Variants in NAV3 observed in about 807,000 individuals in gnomAD.
The protein encoded by NAV3 is pore membrane and/or filament interacting like protein 1.
A neutral mutation model predicts 244.7 loss-of-function variants in NAV3; 87 were observed. That is an observed-to-expected ratio of 0.36 (90% CI 0.30 to 0.42). The LOEUF (loss-of-function observed/expected upper bound fraction) is 0.42. NAV3 is among the 20% of genes least tolerant of loss of function. The pLI is 1.00. For missense variants in NAV3, 2,663 were observed against 2,893.3 expected, an observed-to-expected ratio of 0.92 and a Z score of 1.83; for synonymous variants, 1,126 against 1,042.2, an observed-to-expected ratio of 1.08 and a Z score of -1.55.
intron 2 of NAV3, among the ~76,000 whole-genome samples, chr12:77,704,366 A>T (rs1004257920): frequency 2.0e-5 from 3 of 152,170 alleles, no homozygotes; most frequent in Non-Finnish European, 4.4e-5. Flanking sequence ...GAAGTTTTTA[A>T]GATATTATTA....
At chr12:77,811,971 T>G (rs1872307983) in intron 2 of NAV3, among the ~76,000 whole-genome samples, 1 of 152,226 alleles carries the variant, frequency 6.6e-6, no homozygotes, top group African/African-American at 2.4e-5. Flanking sequence ...ATCACTATAT[T>G]TTTATTTACC....
rs80329552 is a variant in NAV3, at chr12:77,833,501, T to C, written c.243+1797T>C. Among the ~76,000 whole-genome samples, 1,089 of 152,322 alleles carry C rather than the reference T, an allele frequency of 7.1e-3. 10 individuals are homozygous for C. The highest frequency in any genetic ancestry group is 0.024 in the African/African-American group (1,015 of 41,566). On this transcript the variant is annotated intron_variant, in intron 1 of 39. Transcript: ENST00000397909. The stretch of plus-strand genomic sequence containing the variant: ...GCTGCTGAAACCTCTAGAGGGATCA[T>C]GCAGATGGGCAGGGTGTGGAGCTTC...
chr12:78,095,071 A>ATG (rs1441139844), intron 12 of NAV3, among the ~76,000 whole-genome samples: 1 of 145,736 alleles, frequency 6.9e-6, no homozygotes, highest in Non-Finnish European at 1.5e-5. Context: ...ATATACACAC[A>ATG]CACACACACA....
chr12:77,785,307 A>G (rs1870853611), intron 2 of NAV3, among the ~76,000 whole-genome samples: 1 of 152,126 alleles, frequency 6.6e-6, no homozygotes, highest in Non-Finnish European at 1.5e-5. Flanking sequence ...TCTGTCCTGT[A>G]CAGGGTAATA....
intron 23 of NAV3, among the ~76,000 whole-genome samples, chr12:78,162,882 AAT>A (rs1280279095): frequency 7.2e-6 from 1 of 139,288 alleles, no homozygotes; most frequent in East Asian, 2.0e-4. Context: ...ATATATATAT[AAT>A]ATATATAATA....
At chr12:77,627,816 G>GTA (rs1418510763) in intron 2 of NAV3, among the ~76,000 whole-genome samples, 3 of 152,088 alleles carry the variant, frequency 2.0e-5, no homozygotes, top group African/African-American at 2.4e-5. Flanking sequence ...AGAAAATGTG[G>GTA]TATATATATA....
chr12:77,940,345 C>T lies in NAV3; in HGVS notation c.270C>T (p.Tyr90=), dbSNP rs773017080. ...TTTACACTGACTGGGCCAACCACTA[C>T]CTAGCAAAATCAGGCCACAAGCGGC... The part of the protein sequence containing the change: ...SKIYTDWANH[Y]LAKSGHKRLI... Residue 90 remains tyrosine (Y), a synonymous_variant, in exon 2 of 40, where the codon TAC becomes TAT. Coordinates refer to ENST00000397909, the MANE Select transcript of NAV3 (RefSeq NM_001024383.2). The T allele has an allele frequency of 8.1e-5, 130 of 1,613,702 alleles. No individual in the cohort carries two copies. Among genetic ancestry groups the T allele is most frequent in the Non-Finnish European group, 1.1e-4 (129 of 1,179,804 alleles).
chr12:78,024,446 A>G (rs1444274031), intron 9 of NAV3, among the ~76,000 whole-genome samples: 3 of 152,144 alleles, frequency 2.0e-5, no homozygotes, highest in Admixed American at 6.6e-5. Flanking sequence ...CACCAGTCCC[A>G]TCCTTTCTCT....
intron 1 of NAV3, among the ~76,000 whole-genome samples, chr12:77,931,173 T>C (rs530468733): frequency 3.2e-4 from 49 of 152,324 alleles, no homozygotes; most frequent in South Asian, 8.3e-4. Flanking sequence ...CTCATCTTTT[T>C]CAATTTTGAT....
intron 1 of NAV3, among the ~76,000 whole-genome samples, chr12:77,937,689 G>C (rs996513365): frequency 6.6e-6 from 1 of 152,134 alleles, no homozygotes. Flanking sequence ...AAGGCAGGCA[G>C]AATTAGTGAT....
At chr12:78,015,176 G>C (rs1281015171) in intron 8 of NAV3, among the ~76,000 whole-genome samples, 3 of 116,224 alleles carry the variant, frequency 2.6e-5, no homozygotes, top group African/African-American at 5.5e-5. Context: ...TTTATGTTAT[G>C]TTTTTGGAAA....
rs147961343 is a variant in NAV3, at chr12:78,174,917, A to G, written c.4982-389A>G. Among the ~76,000 whole-genome samples, 413 of 152,188 alleles carry G rather than the reference A, an allele frequency of 2.7e-3. 4 individuals are homozygous for G. The highest frequency in any genetic ancestry group is 9.0e-3 in the African/African-American group (376 of 41,550). Reference sequence around the variant, plus strand: ...TGTATTTGAAGCACAAATATTAAAAAGCACAATTAATTCTCATTCTGAGTT... The same window carrying G: ...TGTATTTGAAGCACAAATATTAAAAGGCACAATTAATTCTCATTCTGAGTT... On this transcript the variant is annotated intron_variant, in intron 24 of 39. Transcript: ENST00000397909.
intron 12 of NAV3, among the ~76,000 whole-genome samples, chr12:78,101,376 A>T (rs1176411762): frequency 1.3e-5 from 2 of 152,224 alleles, no homozygotes; most frequent in South Asian, 2.1e-4. Flanking sequence ...TAAACCAGTT[A>T]TTCAAGCTCC....
chr12:77,788,608 C>CT lies in NAV3; in HGVS notation c.73-151697dup, dbSNP rs78745838. 3.5e-3 allele frequency among the ~76,000 whole-genome samples: 482 copies of CT among 139,328 alleles called. 6 individuals are homozygous for CT. The highest frequency in any genetic ancestry group is 2.9e-3 in the Non-Finnish European group (183 of 63,648). 91.4% of individuals were successfully genotyped at this position (139,328 alleles called of 152,430 possible). On this transcript the variant is annotated intron_variant, in intron 2 of 8. Transcript: ENST00000550042. ...GGAATACTCTTAAAAGCATTTGGTG[C>CT]TTTTTTTTTTTTTTCTAAAAAAAGA...
chr12:77,921,555 C>T (rs2731424), intron 1 of NAV3, among the ~76,000 whole-genome samples: 135,471 of 152,010 alleles, frequency 0.89, 60,414 homozygotes, highest in East Asian at 1. Flanking sequence ...AGTTTGGAAC[C>T]GACTTGGGAA....
rs928398563 is a variant in NAV3 at position 78,210,415 on chromosome 12, A to C, written c.7056A>C (p.Lys2352Asn). 3.1e-6 allele frequency: 5 copies of C among 1,613,412 alleles called. No individual in the cohort carries two copies. The highest frequency in any genetic ancestry group is 4.2e-6 in the Non-Finnish European group (5 of 1,179,790). The change falls in exon 40 of 40, where the codon AAA becomes AAC. Residue 2352 changes from lysine to asparagine, a missense_variant. Lys to Asn is a moderately conservative substitution (Grantham distance 94, BLOSUM62 0). Transcript: ENST00000397909. The stretch of plus-strand genomic sequence containing the variant: ...TTCTTCAGATGAATATGCTAATGAA[A>C]CTCCAAGAAGCAGCCAATTACTCGA... ...EGDPLMNMLM[K>N]LQEAANYSST... is the part of the protein sequence containing the mutation.
intron 23 of NAV3, among the ~76,000 whole-genome samples, chr12:78,159,751 T>C (rs1257287314): frequency 6.6e-6 from 1 of 152,172 alleles, no homozygotes; most frequent in Non-Finnish European, 1.5e-5. Flanking sequence ...TTAAAGATTT[T>C]ATCAGTTTAC....
At chr12:77,928,145 TC>T (rs1888398614) in intron 1 of NAV3, among the ~76,000 whole-genome samples, 1 of 141,708 alleles carries the variant, frequency 7.1e-6, no homozygotes, top group Non-Finnish European at 1.5e-5. Context: ...ATTGCTTGAA[TC>T]AGGGAGGTAG....
At chr12:77,649,783 G>A (rs994658511) in intron 2 of NAV3, among the ~76,000 whole-genome samples, 2 of 152,072 alleles carry the variant, frequency 1.3e-5, no homozygotes, top group Non-Finnish European at 2.9e-5. Context: ...TTTGAAATAT[G>A]CCTTTGAAAG....
Sources: allele counts gnomAD v4.1 joint callset (sites outside exome capture counted in the v4.1 genomes callset), GRCh38; gene constraint gnomAD v4.1.1; transcripts MANE v1.5; gene names NCBI Gene and HGNC (gene_info 2026-07-23, HGNC 2026-07-21).